Variants in DLGAP2 observed in about 807,000 individuals in gnomAD.
DLGAP2 encodes the protein disks large-associated protein 2.
Under a neutral mutation model 100.3 loss-of-function variants are expected in DLGAP2, and 26 were observed. The ratio of observed to expected loss-of-function variants is 0.26; its 90% CI spans 0.19 to 0.36. DLGAP2 has a LOEUF of 0.36. Ranked by LOEUF, DLGAP2 falls within the 10% of genes least tolerant of loss-of-function variation. The pLI is 1.00. For synonymous variants in DLGAP2, 886 were observed against 630.1 expected, an observed-to-expected ratio of 1.41 and a Z score of -6.08; for missense variants, 1,858 against 1,453.2, an observed-to-expected ratio of 1.28 and a Z score of -4.53.
chr8:1,678,702 T>C (rs1798871867), intron 12 of DLGAP2, 73 bp downstream of exon 12: 1 of 1,386,256 alleles, frequency 7.2e-7, no homozygotes, highest in Non-Finnish European at 9.3e-7. Flanking sequence ...ATCACAGCAT[T>C]AGTGGAGAAA....
At chr8:1,361,256 A>T (rs1801976276) in intron 3 of DLGAP2, among the ~76,000 whole-genome samples, 1 of 152,228 alleles carries the variant, frequency 6.6e-6, no homozygotes, top group Non-Finnish European at 1.5e-5. Context: ...AGGACAGCAG[A>T]GATCCTGCTT....
intron 2 of DLGAP2, among the ~76,000 whole-genome samples, chr8:1,101,476 C>T (rs1804576227): frequency 6.6e-6 from 1 of 152,142 alleles, no homozygotes; most frequent in Non-Finnish European, 1.5e-5. Flanking sequence ...AGGAGGCACC[C>T]AGAGTCTGCA....
intron 2 of DLGAP2, among the ~76,000 whole-genome samples, chr8:945,126 G>C (rs1315632425): frequency 6.6e-6 from 1 of 152,224 alleles, no homozygotes; most frequent in Non-Finnish European, 1.5e-5. Context: ...TGAGGATTCA[G>C]TGCACAAAAC....
At chr8:1,629,844 A>G (rs1485581122) in intron 7 of DLGAP2, among the ~76,000 whole-genome samples, 1 of 152,248 alleles carries the variant, frequency 6.6e-6, no homozygotes, top group Non-Finnish European at 1.5e-5. Context: ...AAACATTCAG[A>G]GGCTCTTTGC....
chr8:815,907 A>G, intron 1 of DLGAP2, among the ~76,000 whole-genome samples: 2 of 152,298 alleles, frequency 1.3e-5, no homozygotes, highest in East Asian at 3.9e-4. Flanking sequence ...AGTTACATAT[A>G]TATTTAGAAT....
intron 2 of DLGAP2, among the ~76,000 whole-genome samples, chr8:1,056,556 C>T (rs987812004): frequency 6.6e-6 from 1 of 152,238 alleles, no homozygotes; most frequent in East Asian, 1.9e-4. Flanking sequence ...CAGCAGGACT[C>T]CAACTAATGA....
At chr8:1,357,176 G>C (rs191673267) in intron 3 of DLGAP2, among the ~76,000 whole-genome samples, 14 of 152,122 alleles carry the variant, frequency 9.2e-5, no homozygotes, top group Non-Finnish European at 1.8e-4. Flanking sequence ...GAAACGAGCC[G>C]CTGGGGATCT....
intron 1 of DLGAP2, among the ~76,000 whole-genome samples, chr8:781,568 G>A (rs1290932093): frequency 6.6e-5 from 10 of 152,254 alleles, no homozygotes; most frequent in East Asian, 5.8e-4. Flanking sequence ...CCCAAGTACC[G>A]CATTAAACCT....
Position 1,701,499 on chromosome 8 carries a change from C to T in DLGAP2, c.*93C>T, listed in dbSNP as rs1437538655. ...CCTGGTGGTTTCTGTCTCCTCCTCC[C>T]GCTGAACACGTCCTCGCTCCCGCGC... On this transcript the variant is annotated 3_prime_UTR_variant, in exon 15 of 15. Coordinates refer to ENST00000637795, the MANE Select transcript of DLGAP2 (RefSeq NM_001346810.2). 5 of 1,295,540 alleles carry T rather than the reference C, an allele frequency of 3.9e-6. No individual in the cohort carries two copies. Among genetic ancestry groups the T allele is most frequent in the South Asian group, 1.4e-5 (1 of 69,662 alleles). The allele number at this position is 1,295,540 out of a possible 1,614,324, so 80.3% of individuals were successfully genotyped here.
At chr8:1,225,406 A>C (rs1585167645) in intron 2 of DLGAP2, among the ~76,000 whole-genome samples, 1 of 152,350 alleles carries the variant, frequency 6.6e-6, no homozygotes, top group East Asian at 1.9e-4. Flanking sequence ...ACACCGAGGT[A>C]ATTGCCAGCG....
chr8:1,478,307 G>C (rs1304156018), intron 3 of DLGAP2, among the ~76,000 whole-genome samples: 1 of 152,172 alleles, frequency 6.6e-6, no homozygotes, highest in Middle Eastern at 3.2e-3. Flanking sequence ...TTGCAGCCAG[G>C]AGGACACATA....
At chr8:1,131,329 G>T (rs1796289220) in intron 2 of DLGAP2, among the ~76,000 whole-genome samples, 1 of 152,124 alleles carries the variant, frequency 6.6e-6, no homozygotes. Flanking sequence ...GCACCTTCAT[G>T]TATCTGTTCT....
At chr8:1,128,526 G>C (rs926779858) in intron 2 of DLGAP2, among the ~76,000 whole-genome samples, 3 of 152,212 alleles carry the variant, frequency 2.0e-5, no homozygotes, top group African/African-American at 7.2e-5. Flanking sequence ...TGCTGTGTGG[G>C]TGTGTAGCCC....
chr8:1,360,857 A>T (rs1461506620), intron 3 of DLGAP2, among the ~76,000 whole-genome samples: 2 of 152,178 alleles, frequency 1.3e-5, no homozygotes, highest in Non-Finnish European at 2.9e-5. Flanking sequence ...CGACGGTGAG[A>T]TCCAGACAGA....
At position 1,102,625 on chromosome 8, in the gene DLGAP2, A is replaced by C. The variant is rs527834161; in HGVS notation, c.74-156226A>C. ...TTCTGATAATATTTCAGGAAATGTTATCTCCCCACTGGGCCTGTCATGTGG... is the reference window on the plus strand; with the variant it reads ...TTCTGATAATATTTCAGGAAATGTTCTCTCCCCACTGGGCCTGTCATGTGG... On this transcript the variant is annotated intron_variant, in intron 2 of 14. Transcript: ENST00000637795. Among the ~76,000 whole-genome samples, 150 of 152,288 alleles carry C rather than the reference A, an allele frequency of 9.8e-4. 1 individual carries two copies. Among genetic ancestry groups the C allele is most frequent in the Non-Finnish European group, 1.7e-3 (116 of 68,036 alleles).
intron 2 of DLGAP2, among the ~76,000 whole-genome samples, chr8:1,127,341 C>T (rs1041872874): frequency 8.6e-5 from 13 of 152,008 alleles, no homozygotes; most frequent in Non-Finnish European, 1.2e-4. Context: ...GGTCATGGAA[C>T]GGGCAGGCTG....
chr8:1,011,016 G>A (rs1801265545), intron 2 of DLGAP2, among the ~76,000 whole-genome samples: 2 of 151,912 alleles, frequency 1.3e-5, no homozygotes, highest in South Asian at 4.1e-4. Flanking sequence ...TACATAGTGA[G>A]CCCTGGAATG....
chr8:1,287,157 T>TGCGCGC (rs1259394109), intron 3 of DLGAP2, among the ~76,000 whole-genome samples: 7 of 99,438 alleles, frequency 7.0e-5, no homozygotes, highest in African/African-American at 2.3e-4. Context: ...TGTGTGTGTG[T>TGCGCGC]GCGCGCGCGC....
rs543333494 is a variant in DLGAP2 at position 1,268,351 on chromosome 8, A to G, written c.106+9468A>G. 2.0e-5 allele frequency among the ~76,000 whole-genome samples: 3 copies of G among 152,376 alleles called. No individual in the cohort carries two copies. The East Asian group carries it at 5.8e-4, about 29-fold the overall frequency. ...TTTGAAGCATATTTGGGAGATGGAAATATATGCAATTGCATGTTGAGGAAA... is the reference window on the plus strand; with the variant it reads ...TTTGAAGCATATTTGGGAGATGGAAGTATATGCAATTGCATGTTGAGGAAA... On this transcript the variant is annotated intron_variant, in intron 3 of 14. Transcript: ENST00000637795.
Sources: gnomAD v4.1 joint callset for allele counts (sites outside exome capture counted in the v4.1 genomes callset) on GRCh38, gnomAD v4.1.1 for gene constraint, MANE v1.5 for transcripts, NCBI Gene and HGNC (gene_info 2026-07-23, HGNC 2026-07-21) for gene names.